Variants in PCDHA1 observed in about 807,000 individuals in gnomAD.
PCDHA1 encodes protocadherin alpha 1.
Under a neutral mutation model 61.3 loss-of-function variants are expected in PCDHA1, and 42 were observed. That is an observed-to-expected ratio of 0.69 (90% CI 0.54 to 0.89). The LOEUF is 0.89. PCDHA1 is among the 40% of genes least tolerant of loss of function. The pLI is 0.00. For synonymous variants in PCDHA1, 610 were observed against 553.8 expected (o/e 1.10, Z -1.43); for missense variants, 1,256 against 1,235.3 (o/e 1.02, Z -0.25).
chr5:140,942,817 T>C (rs1479369594), intron 1 of PCDHA1, among the ~76,000 whole-genome samples: 2 of 152,160 alleles, frequency 1.3e-5, no homozygotes, highest in African/African-American at 4.8e-5. Context: ...ACTAGTTGGA[T>C]TTGGCCCTGT....
chr5:140,848,504 C>T (rs1554142138), intron 1 of PCDHA1: 4 of 1,587,366 alleles, frequency 2.5e-6, no homozygotes, highest in African/African-American at 2.7e-5. Flanking sequence ...AAATGTTATA[C>T]TCAAGTCGAG....
intron 1 of PCDHA1, among the ~76,000 whole-genome samples, chr5:140,931,986 C>G (rs562622204): frequency 2.0e-4 from 30 of 151,912 alleles, no homozygotes; most frequent in African/African-American, 7.0e-4. Flanking sequence ...ATATTTTGCT[C>G]AAATTCTAAG....
chr5:140,883,701 C>T (rs782806604), intron 1 of PCDHA1: 1 of 1,613,808 alleles, frequency 6.2e-7, no homozygotes, highest in Admixed American at 1.7e-5. Flanking sequence ...TTCACGGTGT[C>T]TGCTCAGGAC....
At chr5:140,928,800 A>G (rs782641676) in intron 1 of PCDHA1, 6 of 1,614,098 alleles carry the variant, frequency 3.7e-6, no homozygotes, top group Non-Finnish European at 4.2e-6. Flanking sequence ...GGGTGGTGGT[A>G]GTGGTTCGGG....
At chr5:140,836,372 C>T (rs2150258931) in intron 1 of PCDHA1, 5 of 1,613,738 alleles carry the variant, frequency 3.1e-6, no homozygotes, top group East Asian at 4.5e-5. Flanking sequence ...CAGCCACAGC[C>T]ACCGTGCTGG....
Position 140,786,997 on chromosome 5 carries a change from A to G in PCDHA1, c.707A>G (p.Asn236Ser), listed in dbSNP as rs1439962288. 2.5e-6 allele frequency: 4 copies of G among 1,614,134 alleles called. No homozygotes were observed. The highest frequency in any genetic ancestry group is 1.7e-4 in the Middle Eastern group (1 of 6,060). The change falls in exon 1 of 4, where the codon AAT (asparagine) becomes AGT (serine). Residue 236 changes from asparagine (N) to serine (S), a missense_variant. Transcript: ENST00000504120. ...CTGCTGATCACCGTCCTCGACGTTA[A>G]TGATAACGCCCCACTGTTTGACCAG... ...VELLITVLDV[N>S]DNAPLFDQAV...
intron 1 of PCDHA1, chr5:140,928,899 T>C (rs2085633672): frequency 2.5e-6 from 4 of 1,614,088 alleles, no homozygotes; most frequent in South Asian, 1.1e-5. Flanking sequence ...ACTTTGAAGA[T>C]GTCTGGGAAC....
intron 1 of PCDHA1, chr5:140,825,399 A>G (rs1460047226): frequency 2.7e-5 from 4 of 145,886 alleles, no homozygotes; most frequent in Non-Finnish European, 6.0e-5. Flanking sequence ...TATCTAATAT[A>G]TTATATATTT....
intron 1 of PCDHA1, chr5:140,829,839 G>T (rs2150175882): frequency 3.1e-6 from 5 of 1,613,930 alleles, no homozygotes; most frequent in Non-Finnish European, 4.2e-6. Context: ...CTGGTGCCGC[G>T]GTCACTGGGT....
At chr5:140,901,828 A>G (rs538492227) in intron 1 of PCDHA1, among the ~76,000 whole-genome samples, 1 of 152,318 alleles carries the variant, frequency 6.6e-6, no homozygotes, top group African/African-American at 2.4e-5. Flanking sequence ...CTTCCAGTCC[A>G]TAAACATGCA....
chr5:140,847,846 ACT>A (rs2150404625), intron 1 of PCDHA1: 1 of 149,820 alleles, frequency 6.7e-6, no homozygotes, highest in Non-Finnish European at 1.5e-5. Flanking sequence ...GTTGGTTGCT[ACT>A]TTTTGTTGAT....
chr5:140,823,089 C>T, intron 1 of PCDHA1: 1 of 1,614,036 alleles, frequency 6.2e-7, no homozygotes, highest in Non-Finnish European at 8.5e-7. Context: ...GGGCCACCGC[C>T]AGCGTGTCTG....
chr5:140,847,032 A>C (rs1780821706), intron 1 of PCDHA1, among the ~76,000 whole-genome samples: 1 of 149,836 alleles, frequency 6.7e-6, no homozygotes. Context: ...GAAAGAGAAA[A>C]CATAAGGAAA....
intron 1 of PCDHA1, among the ~76,000 whole-genome samples, chr5:140,789,781 G>A (rs547087802): frequency 6.6e-6 from 1 of 152,134 alleles, no homozygotes; most frequent in South Asian, 2.1e-4. Context: ...GTCACATTTT[G>A]TGGATAAAGG....
At chr5:140,942,527 AACTC>A (rs1420689882) in intron 1 of PCDHA1, among the ~76,000 whole-genome samples, 2 of 152,162 alleles carry the variant, frequency 1.3e-5, no homozygotes, top group Non-Finnish European at 2.9e-5. Flanking sequence ...GGAAGCAACT[AACTC>A]AGTATGGTGG....
intron 1 of PCDHA1, among the ~76,000 whole-genome samples, chr5:140,847,167 A>T (rs1354541358): frequency 6.7e-6 from 1 of 149,596 alleles, no homozygotes; most frequent in Non-Finnish European, 1.5e-5. Flanking sequence ...TGAGTAATAA[A>T]CTAAAGGGCC....
intron 1 of PCDHA1, among the ~76,000 whole-genome samples, chr5:140,942,621 A>T (rs1038877515): frequency 1.5e-3 from 44 of 29,368 alleles, no homozygotes; most frequent in African/African-American, 6.9e-3. Flanking sequence ...GCCAATTGTA[A>T]AAAAAAAAAT....
At chr5:140,794,663 A>G (rs557285892) in intron 1 of PCDHA1, among the ~76,000 whole-genome samples, 59 of 152,354 alleles carry the variant, frequency 3.9e-4, no homozygotes, top group African/African-American at 9.9e-4. Context: ...AAGGGTAAAA[A>G]GGTAATATAT....
At chr5:140,885,045 G>T (rs528565062) in intron 1 of PCDHA1, among the ~76,000 whole-genome samples, 3 of 152,238 alleles carry the variant, frequency 2.0e-5, no homozygotes, top group Admixed American at 1.3e-4. Context: ...TTAGTTTAAT[G>T]TATACATATA....
Sources: allele counts gnomAD v4.1 joint callset (sites outside exome capture counted in the v4.1 genomes callset), GRCh38; gene constraint gnomAD v4.1.1; transcripts MANE v1.5; gene names NCBI Gene and HGNC (gene_info 2026-07-23, HGNC 2026-07-21).